Variants in CNTNAP2 observed in about 807,000 individuals in gnomAD.
The protein encoded by CNTNAP2 is contactin associated protein 2, also known as contactin-associated protein-like 2.
A neutral mutation model predicts 155.2 loss-of-function variants in CNTNAP2; 98 were observed. The observed-to-expected ratio is 0.63, with a 90% CI of 0.54 to 0.75. The LOEUF is 0.75. Among genes scored for constraint, CNTNAP2 ranks in the 30% least tolerant of loss-of-function variants. CNTNAP2 has a pLI of 0.00. For missense variants in CNTNAP2, 1,727 were observed against 1,688.1 expected (o/e 1.02, Z -0.40); for synonymous variants, 651 against 631.2 (o/e 1.03, Z -0.47).
intron 18 of CNTNAP2, among the ~76,000 whole-genome samples, chr7:148,208,570 C>G (rs575335667): frequency 3.9e-5 from 6 of 152,126 alleles, no homozygotes; most frequent in Non-Finnish European, 8.8e-5. Flanking sequence ...AGAGAGTTTC[C>G]AAAGGCTCCA....
At chr7:147,771,810 A>T (rs188142535) in intron 13 of CNTNAP2, among the ~76,000 whole-genome samples, 152 of 152,048 alleles carry the variant, frequency 1.0e-3, no homozygotes, top group African/African-American at 3.5e-3. Flanking sequence ...CTTAATGTTG[A>T]CATAAATTTA....
At chr7:147,943,563 G>C (rs1446328565) in intron 14 of CNTNAP2, among the ~76,000 whole-genome samples, 1 of 151,884 alleles carries the variant, frequency 6.6e-6, no homozygotes, top group Non-Finnish European at 1.5e-5. Context: ...GAGGCCAGGA[G>C]TTCAAGACCA....
chr7:146,497,471 C>CT (rs911591530), intron 1 of CNTNAP2, among the ~76,000 whole-genome samples: 10 of 151,994 alleles, frequency 6.6e-5, no homozygotes, highest in Non-Finnish European at 1.2e-4. Context: ...CAACACTTCT[C>CT]TTTTTTTGGA....
intron 9 of CNTNAP2, among the ~76,000 whole-genome samples, chr7:147,326,149 C>T (rs1251232674): frequency 1.3e-5 from 2 of 152,200 alleles, no homozygotes; most frequent in Non-Finnish European, 2.9e-5. Flanking sequence ...TGGTCTCGAT[C>T]TCCTGACCTG....
At chr7:147,631,807 G>A (rs111922755) in intron 12 of CNTNAP2, among the ~76,000 whole-genome samples, 100 of 152,174 alleles carry the variant, frequency 6.6e-4, no homozygotes, top group South Asian at 2.5e-3. Flanking sequence ...CATCCTCATC[G>A]CTTAACTTAT....
chr7:146,751,607 T>C (rs181448661), intron 1 of CNTNAP2, among the ~76,000 whole-genome samples: 1 of 152,234 alleles, frequency 6.6e-6, no homozygotes, highest in Non-Finnish European at 1.5e-5. Context: ...TAATTCCTCT[T>C]TTTTTTATTT....
At chr7:146,366,406 A>C (rs1795156348) in intron 1 of CNTNAP2, among the ~76,000 whole-genome samples, 1 of 152,140 alleles carries the variant, frequency 6.6e-6, no homozygotes, top group African/African-American at 2.4e-5. Context: ...TACGTTATTA[A>C]AAACCATTTA....
At chr7:147,004,923 TAAC>T (rs1269420638) in intron 3 of CNTNAP2, among the ~76,000 whole-genome samples, 1 of 151,996 alleles carries the variant, frequency 6.6e-6, no homozygotes, top group Non-Finnish European at 1.5e-5. Flanking sequence ...TGAGAGCACA[TAAC>T]AGTGATAAAT....
At chr7:146,785,307 T>G (rs1207833483) in intron 2 of CNTNAP2, among the ~76,000 whole-genome samples, 1 of 152,174 alleles carries the variant, frequency 6.6e-6, no homozygotes, top group Non-Finnish European at 1.5e-5. Flanking sequence ...GAGTCTTTAG[T>G]ATTTTTCACA....
intron 9 of CNTNAP2, among the ~76,000 whole-genome samples, chr7:147,331,282 G>A (rs1473620217): frequency 6.6e-6 from 1 of 152,120 alleles, no homozygotes; most frequent in Non-Finnish European, 1.5e-5. Flanking sequence ...TGATAACCAG[G>A]ATCGCTGGCT....
At chr7:146,608,086 A>G (rs1042637266) in intron 1 of CNTNAP2, among the ~76,000 whole-genome samples, 8 of 152,210 alleles carry the variant, frequency 5.3e-5, no homozygotes, top group African/African-American at 1.9e-4. Context: ...GCTAAACTTC[A>G]TGTTCTCCAT....
chr7:146,786,153 C>T (rs1802570356), intron 2 of CNTNAP2, among the ~76,000 whole-genome samples: 1 of 152,206 alleles, frequency 6.6e-6, no homozygotes, highest in South Asian at 2.1e-4. Flanking sequence ...CTGAAAATTA[C>T]AATTCCTCTA....
chr7:148,370,230 T>C lies in CNTNAP2; in HGVS notation c.3476-13419T>C, dbSNP rs1730392. Among the ~76,000 whole-genome samples the C allele has an allele frequency of 9.8e-3, 1,491 of 152,052 alleles. 23 individuals are homozygous for C. Among genetic ancestry groups the C allele is most frequent in the African/African-American group, 0.033 (1,364 of 41,458 alleles). On this transcript the variant is annotated intron_variant, in intron 21 of 23. Transcript: ENST00000361727. ...AGACTGAGGCAGAAGGACATAAAGA[T>C]GCCCATTTCCAAAGCTCTCCGGCTC...
At chr7:146,753,857 A>G (rs934462358) in intron 1 of CNTNAP2, among the ~76,000 whole-genome samples, 3 of 152,066 alleles carry the variant, frequency 2.0e-5, no homozygotes, top group Non-Finnish European at 2.9e-5. Flanking sequence ...AACATAGGAT[A>G]AAATTCCATG....
chr7:146,213,089 T>C (rs1458321087), intron 1 of CNTNAP2, among the ~76,000 whole-genome samples: 1 of 152,164 alleles, frequency 6.6e-6, no homozygotes, highest in Non-Finnish European at 1.5e-5. Flanking sequence ...GAGTAGTTGA[T>C]TAATTTTTAA....
At chr7:148,293,812 A>T (rs1339155924) in intron 21 of CNTNAP2, among the ~76,000 whole-genome samples, 1 of 152,098 alleles carries the variant, frequency 6.6e-6, no homozygotes, top group Non-Finnish European at 1.5e-5. Flanking sequence ...AGGCAGGCAC[A>T]TCACTTGAGG....
intron 3 of CNTNAP2, among the ~76,000 whole-genome samples, chr7:146,911,870 T>TAA (rs1796290628): frequency 1.3e-5 from 2 of 152,146 alleles, no homozygotes; most frequent in South Asian, 4.1e-4. Context: ...CCATTATATA[T>TAA]AATACATGGT....
chr7:147,577,744 A>G (rs887397017), intron 12 of CNTNAP2, among the ~76,000 whole-genome samples: 7 of 151,956 alleles, frequency 4.6e-5, no homozygotes, highest in Admixed American at 1.3e-4. Flanking sequence ...GAGAAAAAAA[A>G]TGAGTTAAAT....
At chr7:147,426,960 T>C (rs879797343) in intron 10 of CNTNAP2, among the ~76,000 whole-genome samples, 3 of 152,166 alleles carry the variant, frequency 2.0e-5, no homozygotes, top group Admixed American at 1.3e-4. Context: ...TGTGTTGTTA[T>C]AACAAAATAC....
Sources: gnomAD v4.1 joint callset for allele counts (sites outside exome capture counted in the v4.1 genomes callset) on GRCh38, gnomAD v4.1.1 for gene constraint, MANE v1.5 for transcripts, NCBI Gene and HGNC (gene_info 2026-07-23, HGNC 2026-07-21) for gene names.